ACAN: variants seen among roughly 807,000 people sequenced by gnomAD.
ACAN encodes aggrecan core protein.
ACAN carries 47 observed loss-of-function variants against 169.1 expected under a neutral mutation model. That is an observed-to-expected ratio of 0.28 (90% CI 0.22 to 0.35). ACAN has a LOEUF of 0.35. ACAN is among the 10% of genes least tolerant of loss of function. ACAN has a pLI of 1.00. For missense variants in ACAN, 2,716 were observed against 2,759.9 expected (o/e 0.98, Z 0.36); for synonymous variants, 1,115 against 1,112.2 (o/e 1.00, Z -0.05).
At chr15:88,822,146 G>C (rs1259706215) in intron 1 of ACAN, among the ~76,000 whole-genome samples, 2 of 152,244 alleles carry the variant, frequency 1.3e-5, no homozygotes, top group Admixed American at 6.5e-5. Flanking sequence ...CCAGAGGTCA[G>C]GTTGATACCT....
At chr15:88,817,849 G>GAAAAAAAAAAAAAA (rs10710630) in intron 1 of ACAN, among the ~76,000 whole-genome samples, 1 of 73,406 alleles carries the variant, frequency 1.4e-5, no homozygotes, top group Non-Finnish European at 2.6e-5. Context: ...GTGAGACTCT[G>GAAAAAAAAAAAAAA]AAAAAAAAAA....
chr15:88,851,641 C>A lies in ACAN; in HGVS notation c.2027-153C>A, dbSNP rs1018860029. ...GATATTATATCATTGGTGCCGATGG[C>A]TCTTACTAAGCGAGAAGGCAAACAG... On this transcript the variant is annotated intron_variant, in intron 10 of 18. Transcript: ENST00000560601. This position sits in a 1 kb window ranked among gnomAD's most constrained non-coding sequence, Gnocchi z 4.3. The A allele has an allele frequency of 3.6e-6, 3 of 844,326 alleles. No individual in the cohort carries two copies. The highest frequency in any genetic ancestry group is 1.7e-5 in the African/African-American group (1 of 58,470). The allele number at this position is 844,326 out of a possible 1,614,324, so 52.3% of individuals were successfully genotyped here.
In ACAN at chr15:88,871,670, T is replaced by C; in HGVS notation, c.7219+130T>C. On this transcript the variant is annotated intron_variant, in intron 15 of 18. Transcript: ENST00000560601. This position sits in a 1 kb window ranked among gnomAD's most constrained non-coding sequence, Gnocchi z 7.8. ...CAGGGACCTGGGGGAGGGGGAACAG[T>C]GTTCCCACAGTCTGAGCTCCCAGAG... 7.8e-7 allele frequency: 1 copy of C among 1,277,916 alleles called. No homozygotes were observed. Among genetic ancestry groups the C allele is most frequent in the Admixed American group, 2.4e-5 (1 of 40,996 alleles). 79.2% of individuals were successfully genotyped at this position (1,277,916 alleles called of 1,614,324 possible).
Position 88,848,028 on chromosome 15 carries a change from C to G in ACAN, c.1722C>G (p.Asp574Glu). 1 of 1,613,668 alleles carries G rather than the reference C, an allele frequency of 6.2e-7. No individual in the cohort carries two copies. The highest frequency in any genetic ancestry group is 1.3e-5 in the African/African-American group (1 of 75,052). Residue 574 changes from aspartate to glutamate, a missense_variant, in exon 9 of 19, where the codon GAC becomes GAG. By Grantham distance (45) the Asp-to-Glu change is conservative. Transcript: ENST00000560601. ...CCTACGATGTCTACTGCTTTGTAGACAGACTTGAGGGTACAAGCCACATTC... is the reference window on the plus strand; with the variant it reads ...CCTACGATGTCTACTGCTTTGTAGAGAGACTTGAGGGTACAAGCCACATTC... The part of the protein sequence containing the change: ...TETYDVYCFV[D>E]RLEGEVFFAT...
chr15:88,825,292 C>CACGAG (rs751182677), intron 1 of ACAN, among the ~76,000 whole-genome samples: 33 of 152,142 alleles, frequency 2.2e-4, no homozygotes, highest in Non-Finnish European at 3.7e-4. Flanking sequence ...ACCCAGGGAA[C>CACGAG]ACGAGGACTT....
rs1481405611 is a variant in ACAN at position 88,851,864 on chromosome 15, G to A, written c.2097G>A (p.Glu699=). The part of the protein sequence containing the change: ...GTPTSPSGVE[E]WIVTQVVPGV... ...CCACATCACCCTCTGGTGTGGAGGA[G>A]TGGATCGTGACCCAAGTGGTTCCTG... is the stretch of plus-strand genomic sequence containing the variant. The change falls in exon 11 of 19, where the codon GAG becomes GAA. Residue 699 remains glutamate (E), a synonymous_variant. Coordinates refer to ENST00000560601, the MANE Select transcript of ACAN (RefSeq NM_001369268.1). This position sits in a 1 kb window ranked among gnomAD's most constrained non-coding sequence, Gnocchi z 4.3. 1.2e-6 allele frequency: 2 copies of A among 1,612,196 alleles called. No homozygotes were observed. The highest frequency in any genetic ancestry group is 2.7e-5 in the African/African-American group (2 of 74,894).
chr15:88,845,480 A>C, intron 6 of ACAN, 25 bp from the exon 7 acceptor site: 1 of 1,576,138 alleles, frequency 6.3e-7, no homozygotes, highest in Non-Finnish European at 8.6e-7. Context: ...TGAGAGGCTA[A>C]AGCTTGTCTT....
rs563879555 is a variant in ACAN at position 88,869,034 on chromosome 15, T to A, written c.7060+705T>A. On this transcript the variant is annotated intron_variant, in intron 14 of 18. Transcript: ENST00000560601. This position sits in a 1 kb window ranked among gnomAD's most constrained non-coding sequence, Gnocchi z 4.2. ...AGGACTGAGTTACCTCTCTTGGGCCTTGCCAACCTCTCCATTTCTGCACCA... is the reference window on the plus strand; with the variant it reads ...AGGACTGAGTTACCTCTCTTGGGCCATGCCAACCTCTCCATTTCTGCACCA... 3.9e-5 allele frequency among the ~76,000 whole-genome samples: 6 copies of A among 152,302 alleles called. No individual in the cohort carries two copies. The South Asian group carries it at 1.2e-3, about 32-fold the overall frequency.
intron 11 of ACAN, among the ~76,000 whole-genome samples, chr15:88,853,516 TA>T (rs1289535367): frequency 6.6e-6 from 1 of 152,060 alleles, no homozygotes; most frequent in Non-Finnish European, 1.5e-5. Flanking sequence ...CACGCACCTG[TA>T]GTCCCAGCTA....
intron 11 of ACAN, among the ~76,000 whole-genome samples, chr15:88,853,183 C>T (rs930069041): frequency 6.6e-6 from 1 of 152,194 alleles, no homozygotes; most frequent in South Asian, 2.1e-4. Context: ...CTGGCAACCA[C>T]GAGTGGGGAG....
chr15:88,836,748 C>G (rs1896513503), intron 2 of ACAN, among the ~76,000 whole-genome samples: 2 of 152,236 alleles, frequency 1.3e-5, no homozygotes, highest in Admixed American at 1.3e-4. Context: ...GCAAACCATC[C>G]TCGGGAAGCC....
Position 88,873,657 on chromosome 15 carries a change from C to G in ACAN, c.7448-185C>G. Reference sequence around the variant, plus strand: ...CCGTTTGTATTCCCTTCCTGCTGTTCTAAATTGTTGAGGAACCCAGATGTT... The same window carrying G: ...CCGTTTGTATTCCCTTCCTGCTGTTGTAAATTGTTGAGGAACCCAGATGTT... On this transcript the variant is annotated intron_variant, in intron 17 of 18. Coordinates refer to ENST00000560601, the MANE Select transcript of ACAN (RefSeq NM_001369268.1). This position sits in a 1 kb window ranked among gnomAD's most constrained non-coding sequence, Gnocchi z 7.5. 3.2e-6 allele frequency: 2 copies of G among 619,124 alleles called. No individual in the cohort carries two copies. The highest frequency in any genetic ancestry group is 5.6e-6 in the Non-Finnish European group (2 of 356,222). The allele number at this position is 619,124 out of a possible 1,614,324, so 38.4% of individuals were successfully genotyped here.
intron 4 of ACAN, among the ~76,000 whole-genome samples, chr15:88,840,723 AG>A (rs1046786144): frequency 6.6e-6 from 1 of 151,932 alleles, no homozygotes; most frequent in African/African-American, 2.4e-5. Flanking sequence ...AGCCTCAGGA[AG>A]GAAAATGTCT....
chr15:88,860,438 A>T lies in ACAN; in HGVS notation c.6945A>T (p.Ile2315=), dbSNP rs751061684. Residue 2315 remains isoleucine, a splice_region_variant and synonymous_variant, in exon 13 of 19, where the codon ATA becomes ATT. Coordinates refer to ENST00000560601, the MANE Select transcript of ACAN (RefSeq NM_001369268.1). ...GCTACACTGGCGAGCACTGTAACATAGGTAAGGCCCTCATTGGCCGTGGAG... is the reference window on the plus strand; with the variant it reads ...GCTACACTGGCGAGCACTGTAACATTGGTAAGGCCCTCATTGGCCGTGGAG... ...PPGYTGEHCN[I]DIDECLSSPC... 3.2e-5 allele frequency: 52 copies of T among 1,612,216 alleles called. No homozygotes were observed. Among genetic ancestry groups the T allele is most frequent in the South Asian group, 2.2e-4 (20 of 90,806 alleles).
rs960866321 is a variant in ACAN, at chr15:88,870,930, C to T, written c.7061-452C>T. ...AGGAAACTGCCAGCTCCGCTCCATG[C>T]CCCAGCGCTACCAGCTTCCACTGCC... On this transcript the variant is annotated intron_variant, in intron 14 of 18. Transcript: ENST00000560601. The surrounding 1 kb of genome is among the most constrained non-coding windows in gnomAD (Gnocchi z 6.3). Among the ~76,000 whole-genome samples the T allele has an allele frequency of 6.6e-6, 1 of 152,330 alleles. No homozygotes were observed.
chr15:88,822,036 A>C (rs1208683546), intron 1 of ACAN, among the ~76,000 whole-genome samples: 1 of 152,226 alleles, frequency 6.6e-6, no homozygotes, highest in Non-Finnish European at 1.5e-5. Context: ...CAACATCCAC[A>C]GAGTCTTGCT....
Position 88,847,318 on chromosome 15 carries a change from G to A in ACAN, c.1505G>A (p.Arg502His), listed in dbSNP as rs144835580. The A allele has an allele frequency of 1.5e-5, 23 of 1,577,048 alleles. No homozygotes were observed. Among genetic ancestry groups the A allele is most frequent in the South Asian group, 8.2e-5 (7 of 85,752 alleles). Residue 502 changes from arginine (R) to histidine (H), a missense_variant, in exon 8 of 19, where the codon CGC (arginine) becomes CAC (histidine). Arg to His is a conservative substitution (Grantham distance 29, BLOSUM62 0). Around this residue, in one of 3 missense-constraint regions of ACAN, gnomAD observed 1,283 missense variants for 1,281.5 expected, o/e 1.00. Coordinates refer to ENST00000560601, the MANE Select transcript of ACAN (RefSeq NM_001369268.1). ...TFEEAQQACL[R>H]TGAVIASPEQ... ...GAGGAGGCACAGCAGGCCTGCCTGCGCACGGGGGCGGTCATTGCCTCGCCG... is the reference window on the plus strand; with the variant it reads ...GAGGAGGCACAGCAGGCCTGCCTGCACACGGGGGCGGTCATTGCCTCGCCG...
rs1221426690 is a variant in ACAN at position 88,857,808 on chromosome 15, G to T, written c.5223G>T (p.Gly1741=). The change falls in exon 12 of 19, where the codon GGG becomes GGT. Residue 1741 remains glycine (G), a synonymous_variant. Coordinates refer to ENST00000560601, the MANE Select transcript of ACAN (RefSeq NM_001369268.1). ...TTGGTGTCAGTGGACAGCCATCAGGGTTTCCTGACACTAGTGGGGAAACAT... is the reference window on the plus strand; with the variant it reads ...TTGGTGTCAGTGGACAGCCATCAGGTTTTCCTGACACTAGTGGGGAAACAT... The part of the protein sequence containing the change: ...GLFGVSGQPS[G]FPDTSGETSG... The T allele has an allele frequency of 6.2e-7, 1 of 1,613,912 alleles. No homozygotes were observed. Among genetic ancestry groups the T allele is most frequent in the South Asian group, 1.1e-5 (1 of 91,082 alleles).
intron 1 of ACAN, among the ~76,000 whole-genome samples, chr15:88,823,530 G>C (rs1896130399): frequency 6.6e-6 from 1 of 152,102 alleles, no homozygotes; most frequent in South Asian, 2.1e-4. Context: ...GTTTTCCTGG[G>C]AATTTGCAAT....
Sources: allele counts gnomAD v4.1 joint callset (sites outside exome capture counted in the v4.1 genomes callset), GRCh38; gene constraint gnomAD v4.1.1; regional missense constraint gnomAD v4.1.1; non-coding constraint Gnocchi (gnomAD v3.1); transcripts MANE v1.5; gene names NCBI Gene and HGNC (gene_info 2026-07-23, HGNC 2026-07-21).